The following SMAD2 variants were observed in gnomAD, a reference collection of about 807,000 sequenced individuals.
SMAD2 encodes the protein SMAD family member 2, also known as MAD homolog 2.
SMAD2 carries 8 observed loss-of-function variants against 64.4 expected under a neutral mutation model. The ratio of observed to expected loss-of-function variants is 0.12; its 90% CI spans 0.07 to 0.22. SMAD2 has a LOEUF of 0.22. Ranked by LOEUF, SMAD2 falls within the 10% of genes least tolerant of loss-of-function variation. The pLI, the probability that SMAD2 is intolerant of heterozygous loss-of-function variation, is 1.00. For missense variants in SMAD2, 289 were observed against 561.2 expected (o/e 0.51, Z 4.90); for synonymous variants, 203 against 195.8 (o/e 1.04, Z -0.31).
In SMAD2 at chr18:47,896,730, C is replaced by T. The variant is rs546743584; in HGVS notation, c.27G>A (p.Pro9=). 198 of 1,613,976 alleles carry T rather than the reference C, an allele frequency of 1.2e-4. 3 individuals are homozygous for T. In the South Asian group the frequency reaches 2.1e-3, roughly 17 times the overall value. The change falls in exon 2 of 11, where the codon CCG becomes CCA. Residue 9 remains proline, a synonymous_variant. Coordinates refer to ENST00000262160, the MANE Select transcript of SMAD2 (RefSeq NM_005901.6). ...ATCCCAGCAGTCTCTTCACAACTGG[C>T]GGCGTGAATGGCAAGATGGACGACA... MSSILPFT[P]PVVKRLLGWK...
At chr18:47,859,621 T>C (rs1209723211) in intron 6 of SMAD2, among the ~76,000 whole-genome samples, 1 of 152,120 alleles carries the variant, frequency 6.6e-6, no homozygotes, top group African/African-American at 2.4e-5. Flanking sequence ...ATAAAATTTG[T>C]AATATAGAGC....
At chr18:47,909,181 T>C (rs1235924568) in intron 1 of SMAD2, among the ~76,000 whole-genome samples, 1 of 152,046 alleles carries the variant, frequency 6.6e-6, no homozygotes, top group Non-Finnish European at 1.5e-5. Context: ...AAAATGCAGG[T>C]TTTATGTAGG....
At chr18:47,882,040 G>GGTTTTTTTTTTTT (rs1568078973) in intron 2 of SMAD2, among the ~76,000 whole-genome samples, 1 of 37,326 alleles carries the variant, frequency 2.7e-5, no homozygotes, top group African/African-American at 9.5e-5. Context: ...ACCACGCTTG[G>GGTTTTTTTTTTTT]CTTTTTTTTT....
chr18:47,890,182 G>A (rs987883050), intron 2 of SMAD2, among the ~76,000 whole-genome samples: 5 of 152,186 alleles, frequency 3.3e-5, no homozygotes, highest in African/African-American at 1.2e-4. Flanking sequence ...CTTCCAAAGT[G>A]TGTTTCACGT....
At chr18:47,907,685 C>A (rs2033959354) in intron 1 of SMAD2, among the ~76,000 whole-genome samples, 2 of 152,194 alleles carry the variant, frequency 1.3e-5, no homozygotes, top group Non-Finnish European at 2.9e-5. Context: ...AGCCCAGTGG[C>A]TCACACCTAT....
At position 47,823,828 on chromosome 18, in the gene SMAD2, T is replaced by C. The variant is rs759741872; in HGVS notation, c.*17999A>G. Reference sequence around the variant, plus strand: ...ACTATTAATTTTGTGTATTTCCTTTTTAAACTTTGTATCTGTTATTTGCCA... The same window carrying C: ...ACTATTAATTTTGTGTATTTCCTTTCTAAACTTTGTATCTGTTATTTGCCA... On this transcript the variant is annotated 3_prime_UTR_variant, in exon 11 of 11. Coordinates refer to ENST00000262160, the MANE Select transcript of SMAD2 (RefSeq NM_005901.6). The C allele has an allele frequency of 6.6e-6, 1 of 152,220 alleles. No homozygotes were observed. Among genetic ancestry groups the C allele is most frequent in the Non-Finnish European group, 1.5e-5 (1 of 68,032 alleles). 9.4% of individuals were successfully genotyped at this position (152,220 alleles called of 1,614,324 possible).
intron 6 of SMAD2, among the ~76,000 whole-genome samples, chr18:47,852,992 A>G (rs531454464): frequency 6.6e-6 from 1 of 152,348 alleles, no homozygotes; most frequent in South Asian, 2.1e-4. Context: ...TACCTAAAAG[A>G]GCATGACCCA....
chr18:47,921,730 T>C (rs963072886), intron 1 of SMAD2, among the ~76,000 whole-genome samples: 2 of 152,222 alleles, frequency 1.3e-5, no homozygotes, highest in African/African-American at 4.8e-5. Flanking sequence ...CTACTGAATC[T>C]TATCTCTAGT....
intron 2 of SMAD2, among the ~76,000 whole-genome samples, chr18:47,880,686 G>A (rs985363010): frequency 1.4e-4 from 21 of 152,156 alleles, no homozygotes; most frequent in African/African-American, 5.1e-4. Context: ...TTGTATGTTA[G>A]GTAATTTAGG....
intron 6 of SMAD2, among the ~76,000 whole-genome samples, chr18:47,855,371 C>A (rs532167193): frequency 6.6e-6 from 1 of 152,138 alleles, no homozygotes; most frequent in East Asian, 1.9e-4. Context: ...TGGGTAAATA[C>A]CAAGGAGAAG....
At chr18:47,894,762 A>C (rs2033360066) in intron 2 of SMAD2, among the ~76,000 whole-genome samples, 1 of 152,230 alleles carries the variant, frequency 6.6e-6, no homozygotes, top group African/African-American at 2.4e-5. Flanking sequence ...TAAGTAGTTT[A>C]AAAGCAAACA....
chr18:47,876,705 T>C (rs966109046), intron 2 of SMAD2, among the ~76,000 whole-genome samples: 1 of 152,062 alleles, frequency 6.6e-6, no homozygotes, highest in Non-Finnish European at 1.5e-5. Flanking sequence ...CAATAAGTAT[T>C]TCAGTAAAAC....
At position 47,813,667 on chromosome 18, in the gene SMAD2, A is replaced by T. The variant is rs901294360; in HGVS notation, c.*28160T>A. On this transcript the variant is annotated 3_prime_UTR_variant, in exon 11 of 11. Transcript: ENST00000262160. ...ATGATCCACCTGCCTCGGCCTCCCAAAGTGCTGGGATTACAGGCATGAGCC... is the reference window on the plus strand; with the variant it reads ...ATGATCCACCTGCCTCGGCCTCCCATAGTGCTGGGATTACAGGCATGAGCC... 1.1e-4 allele frequency: 16 copies of T among 147,820 alleles called. No homozygotes were observed. The highest frequency in any genetic ancestry group is 4.0e-4 in the African/African-American group (16 of 39,884). The allele number at this position is 147,820 out of a possible 1,614,324, so 9.2% of individuals were successfully genotyped here.
intron 9 of SMAD2, 84 bp downstream of exon 9, chr18:47,845,579 A>G (rs1254034216): frequency 6.4e-7 from 1 of 1,566,652 alleles, no homozygotes; most frequent in Non-Finnish European, 8.8e-7. Flanking sequence ...TGAGCATGCA[A>G]TCATCTACTG....
rs775055642 is a variant in SMAD2 at position 47,838,931 on chromosome 18, C to T, written c.*2896G>A. 58 of 232,150 alleles carry T rather than the reference C, an allele frequency of 2.5e-4. No homozygotes were observed. The highest frequency in any genetic ancestry group is 4.6e-4 in the Non-Finnish European group (54 of 117,624). The allele number at this position is 232,150 out of a possible 1,614,324, so 14.4% of individuals were successfully genotyped here. A position where few individuals can be genotyped will look rare whatever the true frequency, so the allele number is the denominator to read the frequency against. The stretch of plus-strand genomic sequence containing the variant: ...GAAGAATAAATCCTAAGTAATGTTG[C>T]TAATTTAAATAAAGACAAAAATTCA... On this transcript the variant is annotated 3_prime_UTR_variant, in exon 11 of 11. Transcript: ENST00000262160.
rs1176089078 is a variant in SMAD2 at position 47,835,728 on chromosome 18, A to G, written c.*6099T>C. ...AAAACAATTATGAAATGGAAAATATATAATATTTAAGTACTTTTATAATTC... is the reference window on the plus strand; with the variant it reads ...AAAACAATTATGAAATGGAAAATATGTAATATTTAAGTACTTTTATAATTC... On this transcript the variant is annotated 3_prime_UTR_variant, in exon 11 of 11. Coordinates refer to ENST00000262160, the MANE Select transcript of SMAD2 (RefSeq NM_005901.6). The G allele has an allele frequency of 1.1e-5, 2 of 189,514 alleles. No individual in the cohort carries two copies. Among genetic ancestry groups the G allele is most frequent in the African/African-American group, 2.3e-5 (1 of 42,964 alleles). The allele number at this position is 189,514 out of a possible 1,614,324, so 11.7% of individuals were successfully genotyped here.
rs1912249735 is a variant in SMAD2 at position 47,812,892 on chromosome 18, A to C, written c.*28935T>G. 1 of 152,208 alleles carries C rather than the reference A, an allele frequency of 6.6e-6. No individual in the cohort carries two copies. The highest frequency in any genetic ancestry group is 2.4e-5 in the African/African-American group (1 of 41,428). The allele number at this position is 152,208 out of a possible 1,614,324, so 9.4% of individuals were successfully genotyped here. ...GGGGTAACTTTCAATAGGGGTGGTTAAGGAAGACTCTGCAGAGAGGATGGA... is the reference window on the plus strand; with the variant it reads ...GGGGTAACTTTCAATAGGGGTGGTTCAGGAAGACTCTGCAGAGAGGATGGA... On this transcript the variant is annotated 3_prime_UTR_variant, in exon 11 of 11. Coordinates refer to ENST00000262160, the MANE Select transcript of SMAD2 (RefSeq NM_005901.6).
rs1371801229 is a variant in SMAD2 at position 47,823,135 on chromosome 18, G to A, written c.*18692C>T. On this transcript the variant is annotated 3_prime_UTR_variant, in exon 11 of 11. Coordinates refer to ENST00000262160, the MANE Select transcript of SMAD2 (RefSeq NM_005901.6). ...TATTTGAGAATGTGTAGAATGCCTG[G>A]CTTCAATGGTTCTCAGCATTACACT... The A allele has an allele frequency of 2.0e-5, 3 of 152,166 alleles. No homozygotes were observed. Among genetic ancestry groups the A allele is most frequent in the Non-Finnish European group, 4.4e-5 (3 of 68,030 alleles). 9.4% of individuals were successfully genotyped at this position (152,166 alleles called of 1,614,324 possible).
intron 6 of SMAD2, among the ~76,000 whole-genome samples, chr18:47,855,233 A>G (rs1039115269): frequency 3.9e-5 from 6 of 152,242 alleles, no homozygotes; most frequent in Admixed American, 6.5e-5. Context: ...TTAATTGGAT[A>G]TATCAGTTTA....
Sources: gnomAD v4.1 joint callset for allele counts (sites outside exome capture counted in the v4.1 genomes callset) on GRCh38, gnomAD v4.1.1 for gene constraint, MANE v1.5 for transcripts, NCBI Gene and HGNC (gene_info 2026-07-23, HGNC 2026-07-21) for gene names.